KCNK10: variants seen among roughly 807,000 people sequenced by gnomAD.
The protein encoded by KCNK10 is potassium channel subfamily K member 10.
In KCNK10, 25 loss-of-function variants were observed where a neutral mutation model predicts 47.7. That is an observed-to-expected ratio of 0.52 (90% confidence interval 0.38 to 0.73). The LOEUF (loss-of-function observed/expected upper bound fraction) is 0.73. Ranked by LOEUF, KCNK10 falls within the 30% of genes least tolerant of loss-of-function variation. The pLI is 0.00. For missense variants in KCNK10, 563 were observed against 714.5 expected, an observed-to-expected ratio of 0.79 and a Z score of 2.42; for synonymous variants, 303 against 285.6, an observed-to-expected ratio of 1.06 and a Z score of -0.61.
chr14:88,278,501 A>G (rs967992426), intron 1 of KCNK10, among the ~76,000 whole-genome samples: 13 of 152,190 alleles, frequency 8.5e-5, no homozygotes, highest in Admixed American at 7.2e-4. Flanking sequence ...GAGTTCCCTA[A>G]ATTAATGTGG....
intron 2 of KCNK10, among the ~76,000 whole-genome samples, chr14:88,241,632 A>G (rs529740974): frequency 2.6e-5 from 4 of 152,248 alleles, no homozygotes; most frequent in African/African-American, 9.6e-5. Context: ...TTCATCTCAC[A>G]CTGCTATAAA....
rs527554757 is a variant in KCNK10, at chr14:88,263,335, G to A, written c.269C>T (p.Thr90Ile). The A allele has an allele frequency of 3.1e-6, 5 of 1,613,828 alleles. No homozygotes were observed. The South Asian group carries it at 3.3e-5, about 11-fold the overall frequency. Residue 90 changes from threonine to isoleucine, a missense_variant, in exon 2 of 7, where the codon ACT becomes ATT. Coordinates refer to ENST00000319231, the MANE Select transcript of KCNK10 (RefSeq NM_138317.3). Reference protein sequence around the residue: ...IFVVVVVYLVTGGLVFRALEQ... With the variant: ...IFVVVVVYLVIGGLVFRALEQ... ...CAATGCCCGGAAGACAAGACCGCCA[G>A]TGACAAGGTAGACCACCACAACCAC...
intron 1 of KCNK10, among the ~76,000 whole-genome samples, chr14:88,317,571 T>C (rs543854439): frequency 9.1e-4 from 138 of 152,304 alleles, no homozygotes; most frequent in African/African-American, 3.2e-3. Context: ...ACAAAGTCGC[T>C]GGGAGGAAGG....
intron 2 of KCNK10, among the ~76,000 whole-genome samples, chr14:88,262,285 T>G (rs1887132435): frequency 6.6e-6 from 1 of 152,196 alleles, no homozygotes; most frequent in African/African-American, 2.4e-5. Flanking sequence ...GTGTCTGGGA[T>G]AGAAAGTGGA....
chr14:88,326,190 C>CGCG (rs79450402), upstream of KCNK10, among the ~76,000 whole-genome samples: 5 of 134,164 alleles, frequency 3.7e-5, no homozygotes, highest in African/African-American at 1.5e-4. Flanking sequence ...CGCCCCCCCC[C>CGCG]AAAAAAAAAT....
chr14:88,188,695 T>C (rs1884650774), intron 5 of KCNK10, among the ~76,000 whole-genome samples: 1 of 152,162 alleles, frequency 6.6e-6, no homozygotes, highest in African/African-American at 2.4e-5. Context: ...AAGGGTCAGT[T>C]AGGCTGAGTA....
At chr14:88,313,887 C>T (rs1888375499) in intron 1 of KCNK10, among the ~76,000 whole-genome samples, 1 of 152,218 alleles carries the variant, frequency 6.6e-6, no homozygotes, top group South Asian at 2.1e-4. Flanking sequence ...ATCCTGCAAA[C>T]TGACTTTACC....
chr14:88,188,638 G>A (rs1242357357), intron 5 of KCNK10, among the ~76,000 whole-genome samples: 1 of 152,190 alleles, frequency 6.6e-6, no homozygotes, highest in East Asian at 1.9e-4. Flanking sequence ...GCAAGCAATA[G>A]TGATTTAATG....
At chr14:88,285,098 T>A (rs931369031) in intron 1 of KCNK10, among the ~76,000 whole-genome samples, 1 of 152,182 alleles carries the variant, frequency 6.6e-6, no homozygotes, top group Admixed American at 6.6e-5. Context: ...TGTGTCTTGT[T>A]TTAAATAGTG....
intron 4 of KCNK10, among the ~76,000 whole-genome samples, chr14:88,220,190 G>A (rs565314468): frequency 6.6e-6 from 1 of 152,000 alleles, no homozygotes; most frequent in East Asian, 1.9e-4. Context: ...GGCCGAGGCG[G>A]GCGGATCACG....
At chr14:88,198,166 T>C (rs779597498) in intron 4 of KCNK10, among the ~76,000 whole-genome samples, 2 of 152,212 alleles carry the variant, frequency 1.3e-5, no homozygotes, top group South Asian at 2.1e-4. Flanking sequence ...TCTTTGTCAG[T>C]CAGGCATTCA....
rs369393935 is a variant in KCNK10 at position 88,260,163 on chromosome 14, G to A, written c.402+3039C>T. ...TCACCATGTTGGCCAGGTTGGTCTC[G>A]AACTCCTGATCTCAGGTCATCCACC... On this transcript the variant is annotated intron_variant, in intron 2 of 6. Transcript: ENST00000319231. This position sits in a 1 kb window ranked among gnomAD's most constrained non-coding sequence, Gnocchi z 4.5. Among the ~76,000 whole-genome samples the A allele has an allele frequency of 2.6e-5, 4 of 152,110 alleles. No homozygotes were observed. Among genetic ancestry groups the A allele is most frequent in the Admixed American group, 6.5e-5 (1 of 15,274 alleles).
rs369398417 is a variant in KCNK10 at position 88,188,097 on chromosome 14, C to A, written c.881G>T (p.Gly294Val). 2 of 1,614,206 alleles carry A rather than the reference C, an allele frequency of 1.2e-6. No individual in the cohort carries two copies. The highest frequency in any genetic ancestry group is 1.7e-6 in the Non-Finnish European group (2 of 1,180,034). ...FGDFVAGGNAGINYREWYKPL... is the reference protein window; with the variant it reads ...FGDFVAGGNAVINYREWYKPL... ...CTTATACCACTCCCGATAATTGATGCCAGCGTTTCCCCCTGAAAACAACCA... is the reference window on the plus strand; with the variant it reads ...CTTATACCACTCCCGATAATTGATGACAGCGTTTCCCCCTGAAAACAACCA... Residue 294 changes from glycine to valine, a missense_variant, in exon 6 of 7, where the codon GGC (glycine) becomes GTC (valine). By Grantham distance (109) the Gly-to-Val change is moderately radical (BLOSUM62 -3). Coordinates refer to ENST00000319231, the MANE Select transcript of KCNK10 (RefSeq NM_138317.3).
Position 88,260,654 on chromosome 14 carries a change from G to A in KCNK10, c.402+2548C>T, listed in dbSNP as rs1218300967. On this transcript the variant is annotated intron_variant, in intron 2 of 6. Transcript: ENST00000319231. This position sits in a 1 kb window ranked among gnomAD's most constrained non-coding sequence, Gnocchi z 4.5. ...AGTTACTCACCTCTTTAAGGAAACTGATGTTTCCTCCCCTGTAAAATGGGA... is the reference window on the plus strand; with the variant it reads ...AGTTACTCACCTCTTTAAGGAAACTAATGTTTCCTCCCCTGTAAAATGGGA... Among the ~76,000 whole-genome samples the A allele has an allele frequency of 6.6e-6, 1 of 152,210 alleles. No homozygotes were observed. Among genetic ancestry groups the A allele is most frequent in the African/African-American group, 2.4e-5 (1 of 41,460 alleles).
chr14:88,316,842 T>C (rs1280800944), intron 1 of KCNK10, among the ~76,000 whole-genome samples: 2 of 152,360 alleles, frequency 1.3e-5, no homozygotes, highest in Admixed American at 6.5e-5. Context: ...TAGCTCACTG[T>C]GCCTATATTA....
At chr14:88,284,233 C>G (rs1348683464) in intron 1 of KCNK10, among the ~76,000 whole-genome samples, 2 of 152,032 alleles carry the variant, frequency 1.3e-5, no homozygotes, top group Non-Finnish European at 2.9e-5. Flanking sequence ...AACCTGGATT[C>G]TAGTGCCGGC....
At chr14:88,316,918 AT>A (rs1478972785) in intron 1 of KCNK10, among the ~76,000 whole-genome samples, 21 of 152,306 alleles carry the variant, frequency 1.4e-4, no homozygotes, top group African/African-American at 4.8e-4. Flanking sequence ...ACTATATTAT[AT>A]TTTTTAAATG....
intron 1 of KCNK10, among the ~76,000 whole-genome samples, chr14:88,266,379 C>T (rs1887256400): frequency 6.6e-6 from 1 of 152,184 alleles, no homozygotes; most frequent in African/African-American, 2.4e-5. Context: ...CCCTCATCTG[C>T]CTGGAAAACT....
chr14:88,252,599 G>A (rs1199227882), intron 2 of KCNK10, among the ~76,000 whole-genome samples: 1 of 152,052 alleles, frequency 6.6e-6, no homozygotes, highest in Non-Finnish European at 1.5e-5. Context: ...TAGCAGCTTT[G>A]GTTGCCATGA....
Sources: gnomAD v4.1 joint callset for allele counts (sites outside exome capture counted in the v4.1 genomes callset) on GRCh38, gnomAD v4.1.1 for gene constraint, Gnocchi (gnomAD v3.1) non-coding constraint, MANE v1.5 for transcripts, NCBI Gene and HGNC (gene_info 2026-07-23, HGNC 2026-07-21) for gene names.